The following DAB2IP variants were observed in gnomAD, a reference collection of about 807,000 sequenced individuals.
The protein encoded by DAB2IP is disabled homolog 2-interacting protein.
In DAB2IP, 28 loss-of-function variants were observed where a neutral mutation model predicts 107.2. The observed-to-expected ratio is 0.26, with a 90% CI of 0.19 to 0.36. The LOEUF (loss-of-function observed/expected upper bound fraction) is 0.36. Ranked by LOEUF, DAB2IP falls within the 10% of genes least tolerant of loss-of-function variation. The pLI is 1.00. For synonymous variants in DAB2IP, 755 were observed against 706.4 expected (o/e 1.07, Z -1.09); for missense variants, 1,400 against 1,644.7 (o/e 0.85, Z 2.57).
At chr9:121,747,871 AG>A (rs1832827105) in intron 3 of DAB2IP, among the ~76,000 whole-genome samples, 1 of 149,804 alleles carries the variant, frequency 6.7e-6, no homozygotes, top group African/African-American at 2.5e-5. Context: ...AAAAAAAAAA[AG>A]AAAGAAAGAA....
In DAB2IP at chr9:121,701,970, G is replaced by A. The variant is rs758486963; in HGVS notation, c.362+2512G>A. On this transcript the variant is annotated intron_variant, in intron 3 of 15. Coordinates refer to ENST00000408936, the Ensembl canonical transcript of DAB2IP. The surrounding 1 kb of genome is among the most constrained non-coding windows in gnomAD (Gnocchi z 4.7). The stretch of plus-strand genomic sequence containing the variant: ...CTGGGGAGAGGGTAAGTGCCAAGAC[G>A]CTAGCCTCAGTGAGTGGGTGGGACA... 5.3e-5 allele frequency among the ~76,000 whole-genome samples: 8 copies of A among 152,156 alleles called. No individual in the cohort carries two copies. The highest frequency in any genetic ancestry group is 8.8e-5 in the Non-Finnish European group (6 of 68,030).
Position 121,680,364 on chromosome 9 carries a change from T to G in DAB2IP, c.228+1583T>G, listed in dbSNP as rs1828519893. Among the ~76,000 whole-genome samples the G allele has an allele frequency of 3.3e-5, 5 of 152,206 alleles. No homozygotes were observed. The South Asian group carries it at 1.0e-3, about 32-fold the overall frequency. On this transcript the variant is annotated intron_variant, in intron 2 of 15. Coordinates refer to ENST00000408936, the Ensembl canonical transcript of DAB2IP. Reference sequence around the variant, plus strand: ...CAGGGCAGGGCCTGGGAACCTGCATTTTAACAAGCTTTCCCCAGGAGGTGA... The same window carrying G: ...CAGGGCAGGGCCTGGGAACCTGCATGTTAACAAGCTTTCCCCAGGAGGTGA...
chr9:121,774,443 G>A (rs1394580791), intron 13 of DAB2IP, 31 bp downstream of exon 13: 1 of 1,565,784 alleles, frequency 6.4e-7, no homozygotes, highest in South Asian at 1.2e-5. Flanking sequence ...CTCGGGACAG[G>A]GCGGGGCTGC....
At chr9:121,641,949 CCTTT>C (rs1554718183) in intron 1 of DAB2IP, among the ~76,000 whole-genome samples, 30 of 64,048 alleles carry the variant, frequency 4.7e-4, no homozygotes, top group African/African-American at 2.8e-3. Context: ...CTCTTTCTTT[CCTTT>C]CTTTCTTTCT....
At chr9:121,748,187 G>A (rs555918382) in intron 3 of DAB2IP, among the ~76,000 whole-genome samples, 28 of 152,330 alleles carry the variant, frequency 1.8e-4, no homozygotes, top group African/African-American at 4.3e-4. Flanking sequence ...GTAGCTCAGC[G>A]TGTGAGGAAA....
At chr9:121,616,495 G>A (rs767895863) in intron 1 of DAB2IP, among the ~76,000 whole-genome samples, 15 of 152,186 alleles carry the variant, frequency 9.9e-5, no homozygotes, top group Non-Finnish European at 1.9e-4. Context: ...TTTTAAAGGC[G>A]TTGGCGGCTA....
In DAB2IP at chr9:121,736,434, C is replaced by A. The variant is rs1350135884; in HGVS notation, c.363-20579C>A. Among the ~76,000 whole-genome samples, 1 of 152,152 alleles carries A rather than the reference C, an allele frequency of 6.6e-6. No homozygotes were observed. The highest frequency in any genetic ancestry group is 1.5e-5 in the Non-Finnish European group (1 of 68,022). On this transcript the variant is annotated intron_variant, in intron 3 of 15. Transcript: ENST00000408936. The surrounding 1 kb of genome is among the most constrained non-coding windows in gnomAD (Gnocchi z 4.6). ...TGCGCGTCCCGCCCGCCCGGCGTGC[C>A]GAAGCGCAGCGGCGGGTCGCTAGCG...
At chr9:121,663,401 C>G (rs1254119632) in intron 1 of DAB2IP, among the ~76,000 whole-genome samples, 1 of 152,134 alleles carries the variant, frequency 6.6e-6, no homozygotes, top group Non-Finnish European at 1.5e-5. Context: ...AATACCAGCT[C>G]CAAGCCAAAC....
chr9:121,767,714 A>T (rs1414843700), intron 9 of DAB2IP, among the ~76,000 whole-genome samples: 1 of 152,286 alleles, frequency 6.6e-6, no homozygotes, highest in East Asian at 1.9e-4. Flanking sequence ...CAGTGGGCAG[A>T]TGGGTTGGAG....
At chr9:121,706,862 A>T (rs1223904978) in intron 3 of DAB2IP, among the ~76,000 whole-genome samples, 1 of 152,202 alleles carries the variant, frequency 6.6e-6, no homozygotes, top group African/African-American at 2.4e-5. Context: ...CGTGCAGCAG[A>T]TATCCCCTCT....
At position 121,712,519 on chromosome 9, in the gene DAB2IP, G is replaced by C. The variant is rs1830384159; in HGVS notation, c.362+13061G>C. Among the ~76,000 whole-genome samples, 4 of 152,114 alleles carry C rather than the reference G, an allele frequency of 2.6e-5. No homozygotes were observed. The South Asian group carries it at 8.3e-4, about 32-fold the overall frequency. The stretch of plus-strand genomic sequence containing the variant: ...GGCTTGTTAAAGTTGGAGGTAGCCT[G>C]GGAGTGATTCCTATTTGAGATTTCT... On this transcript the variant is annotated intron_variant, in intron 3 of 15. Coordinates refer to ENST00000408936, the Ensembl canonical transcript of DAB2IP.
intron 2 of DAB2IP, among the ~76,000 whole-genome samples, chr9:121,689,715 C>T (rs1164420921): frequency 6.6e-6 from 1 of 152,248 alleles, no homozygotes; most frequent in Non-Finnish European, 1.5e-5. Flanking sequence ...CAGCGCAAAC[C>T]TGAAAGTCCC....
intron 1 of DAB2IP, among the ~76,000 whole-genome samples, chr9:121,637,267 G>A (rs181891553): frequency 5.9e-4 from 90 of 152,316 alleles, no homozygotes; most frequent in Admixed American, 1.0e-3. Flanking sequence ...TCAAGCACTG[G>A]GTGCAGTGCC....
At chr9:121,649,251 T>C (rs923163514), upstream of DAB2IP, among the ~76,000 whole-genome samples, 4 of 102,784 alleles carry the variant, frequency 3.9e-5, no homozygotes, top group African/African-American at 1.1e-4. Context: ...GGCAGATGGA[T>C]TGGGGGTCCA....
At chr9:121,754,619 C>A (rs1011110917) in intron 3 of DAB2IP, among the ~76,000 whole-genome samples, 4 of 152,216 alleles carry the variant, frequency 2.6e-5, no homozygotes, top group African/African-American at 9.6e-5. Flanking sequence ...ACAGCCCTCT[C>A]TTCTGCCAGG....
rs562881649 is a variant in DAB2IP at position 121,782,107 on chromosome 9, G to C, written c.3403-224G>C. 6.6e-6 allele frequency among the ~76,000 whole-genome samples: 1 copy of C among 152,260 alleles called. No individual in the cohort carries two copies. Among genetic ancestry groups the C allele is most frequent in the South Asian group, 2.1e-4 (1 of 4,826 alleles). On this transcript the variant is annotated intron_variant, in intron 15 of 15. Coordinates refer to ENST00000408936, the Ensembl canonical transcript of DAB2IP. The surrounding 1 kb of genome is among the most constrained non-coding windows in gnomAD (Gnocchi z 6.1). ...CCCTAGGGGCCGCAGGCAGCCCATA[G>C]ACAGCACTAGAGCTGCTGCATTTGG...
At position 121,698,375 on chromosome 9, in the gene DAB2IP, T is replaced by G. The variant is rs1829534768; in HGVS notation, c.229-950T>G. On this transcript the variant is annotated intron_variant, in intron 2 of 15. Coordinates refer to ENST00000408936, the Ensembl canonical transcript of DAB2IP. The surrounding 1 kb of genome is among the most constrained non-coding windows in gnomAD (Gnocchi z 4.1). ...GTAAAGGGAAGATTGGTTTGACCTGTGTGTATTGAACGCCTGTCTCCTCTG... is the reference window on the plus strand; with the variant it reads ...GTAAAGGGAAGATTGGTTTGACCTGGGTGTATTGAACGCCTGTCTCCTCTG... Among the ~76,000 whole-genome samples the G allele has an allele frequency of 1.3e-5, 2 of 152,076 alleles. No individual in the cohort carries two copies. The highest frequency in any genetic ancestry group is 4.8e-5 in the African/African-American group (2 of 41,400).
intron 2 of DAB2IP, among the ~76,000 whole-genome samples, chr9:121,693,948 T>A (rs75523770): frequency 1.3e-5 from 2 of 152,250 alleles, no homozygotes; most frequent in East Asian, 3.9e-4. Context: ...GAAATGCAGA[T>A]CCCTGGTTCC....
At chr9:121,783,821 C>T in exon 16 of DAB2IP, 2 of 535,112 alleles carry the variant, frequency 3.7e-6, no homozygotes, top group Non-Finnish European at 6.7e-6. Flanking sequence ...ATCTGCCCCT[C>T]CCCCACTTTC....
Sources: gnomAD v4.1 joint callset for allele counts (sites outside exome capture counted in the v4.1 genomes callset) on GRCh38, gnomAD v4.1.1 for gene constraint, Gnocchi (gnomAD v3.1) non-coding constraint, MANE v1.5 for transcripts, NCBI Gene and HGNC (gene_info 2026-07-23, HGNC 2026-07-21) for gene names.